Variants in FAM20B observed in about 807,000 individuals in gnomAD.
The protein encoded by FAM20B is FAM20B glycosaminoglycan xylosylkinase, also known as glycosaminoglycan xylosylkinase.
In FAM20B, 23 loss-of-function variants were observed where a neutral mutation model predicts 43.8. The observed-to-expected ratio is 0.53, with a 90% confidence interval of 0.38 to 0.74. FAM20B has a LOEUF of 0.74. Among genes scored for constraint, FAM20B ranks in the 30% least tolerant of loss-of-function variants. The pLI, the probability that FAM20B is intolerant of heterozygous loss-of-function variation, is 0.00. For synonymous variants in FAM20B, 178 were observed against 192.4 expected, an observed-to-expected ratio of 0.93 and a Z score of 0.62; for missense variants, 440 against 510.5, an observed-to-expected ratio of 0.86 and a Z score of 1.33.
chr1:179,047,395 C>T (rs1650816572), intron 2 of FAM20B, among the ~76,000 whole-genome samples: 1 of 152,188 alleles, frequency 6.6e-6, no homozygotes, highest in African/African-American at 2.4e-5. Flanking sequence ...GCCCACCAGA[C>T]AAAACCCAGC....
intron 1 of FAM20B, among the ~76,000 whole-genome samples, chr1:179,027,898 A>G (rs1021718364): frequency 1.3e-5 from 2 of 152,140 alleles, no homozygotes; most frequent in African/African-American, 4.8e-5. Context: ...CTTTATTTTT[A>G]TAATCTTTTA....
chr1:179,038,725 A>T (rs74335593), intron 1 of FAM20B, among the ~76,000 whole-genome samples: 1,811 of 152,348 alleles, frequency 0.012, 40 homozygotes, highest in African/African-American at 0.042. Flanking sequence ...CAGTAATCAC[A>T]GGGAACTGTT....
chr1:179,028,631 T>A (rs1649888709), intron 1 of FAM20B, among the ~76,000 whole-genome samples: 2 of 152,192 alleles, frequency 1.3e-5, no homozygotes, highest in Non-Finnish European at 2.9e-5. Context: ...GTCTTCTGAA[T>A]CTGACTCTTA....
chr1:179,065,147 C>G (rs1557878952), intron 6 of FAM20B, among the ~76,000 whole-genome samples: 1 of 146,866 alleles, frequency 6.8e-6, no homozygotes, highest in African/African-American at 2.5e-5. Flanking sequence ...TAGTGCCACA[C>G]TTTTTTTTTT....
upstream of FAM20B, among the ~76,000 whole-genome samples, chr1:179,023,986 G>C (rs1226622135): frequency 1.3e-5 from 2 of 152,174 alleles, no homozygotes; most frequent in Non-Finnish European, 2.9e-5. Flanking sequence ...TGGAGTGTCA[G>C]GCACGGTGCT....
intron 3 of FAM20B, among the ~76,000 whole-genome samples, chr1:179,050,895 G>A (rs1220583144): frequency 6.6e-6 from 1 of 152,182 alleles, no homozygotes; most frequent in Non-Finnish European, 1.5e-5. Context: ...GCCAAGGTGG[G>A]CAGATTGCAT....
rs1180557793 is a variant in FAM20B, at chr1:179,043,842, GT to G, written c.-5del. 1 of 1,582,412 alleles carries G rather than the reference GT, an allele frequency of 6.3e-7. No homozygotes were observed. Among genetic ancestry groups the G allele is most frequent in the Non-Finnish European group, 8.6e-7 (1 of 1,159,682 alleles). ...GTGGGTCAGGGGAGAAGGAAAAGAGGTCAACATGAAGCTAAAGCAGCGAGTC... is the reference window on the plus strand; with the variant it reads ...GTGGGTCAGGGGAGAAGGAAAAGAGGCAACATGAAGCTAAAGCAGCGAGTC... On this transcript the variant is annotated 5_prime_UTR_variant, in exon 2 of 8. Coordinates refer to ENST00000263733, the MANE Select transcript of FAM20B (RefSeq NM_014864.4).
intron 1 of FAM20B, among the ~76,000 whole-genome samples, chr1:179,033,609 A>G (rs1218917790): frequency 6.6e-6 from 1 of 152,222 alleles, no homozygotes; most frequent in Non-Finnish European, 1.5e-5. Flanking sequence ...TAGGAGCAGA[A>G]CAGATGTGAG....
chr1:179,042,133 G>A (rs1429598186), intron 1 of FAM20B, among the ~76,000 whole-genome samples: 1 of 152,204 alleles, frequency 6.6e-6, no homozygotes, highest in Non-Finnish European at 1.5e-5. Context: ...AGTAGTGCTT[G>A]TGCCCACTGG....
At chr1:179,040,956 G>T (rs1650484170) in intron 1 of FAM20B, among the ~76,000 whole-genome samples, 1 of 148,812 alleles carries the variant, frequency 6.7e-6, no homozygotes, top group African/African-American at 2.5e-5. Flanking sequence ...CCGGGCAGAG[G>T]CGCTCCTCAC....
chr1:179,017,438 CT>C, the FAM20B span, among the ~76,000 whole-genome samples: 4 of 152,082 alleles, frequency 2.6e-5, no homozygotes, highest in Non-Finnish European at 5.9e-5. Flanking sequence ...TTACTTTTGA[CT>C]TTTTTTTCAT....
At chr1:179,038,601 C>T (rs2102490388) in intron 1 of FAM20B, among the ~76,000 whole-genome samples, 1 of 152,266 alleles carries the variant, frequency 6.6e-6, no homozygotes, top group Non-Finnish European at 1.5e-5. Flanking sequence ...TGCCTTTTAT[C>T]TCTGCAGCCT....
chr1:179,034,323 T>C (rs1415355309), intron 1 of FAM20B, among the ~76,000 whole-genome samples: 1 of 152,160 alleles, frequency 6.6e-6, no homozygotes, highest in Non-Finnish European at 1.5e-5. Context: ...AACATTCTAT[T>C]GTCAAAACAA....
upstream of FAM20B, among the ~76,000 whole-genome samples, chr1:179,022,479 C>T (rs1259941378): frequency 6.6e-6 from 1 of 152,150 alleles, no homozygotes; most frequent in South Asian, 2.1e-4. Context: ...CGCGTGTATG[C>T]ATATATATTT....
At chr1:179,020,869 G>C (rs1558209243), upstream of FAM20B, among the ~76,000 whole-genome samples, 1 of 152,182 alleles carries the variant, frequency 6.6e-6, no homozygotes, top group Non-Finnish European at 1.5e-5. Context: ...TCAGGAGTTT[G>C]AGGACAGCCT....
upstream of FAM20B, among the ~76,000 whole-genome samples, chr1:179,023,761 C>T (rs1649647141): frequency 6.6e-6 from 1 of 152,188 alleles, no homozygotes; most frequent in South Asian, 2.1e-4. Context: ...TCAATACCAG[C>T]CCACACTGTT....
At chr1:179,058,224 TA>T (rs1443186248) in intron 4 of FAM20B, among the ~76,000 whole-genome samples, 1 of 152,242 alleles carries the variant, frequency 6.6e-6, no homozygotes, top group Non-Finnish European at 1.5e-5. Context: ...ACTATGATTA[TA>T]AATAGTATTT....
chr1:179,041,277 C>G (rs943711245), intron 1 of FAM20B, among the ~76,000 whole-genome samples: 1 of 152,222 alleles, frequency 6.6e-6, no homozygotes, highest in African/African-American at 2.4e-5. Flanking sequence ...AGGCTGCAAT[C>G]TCGGCCTTTT....
chr1:179,050,487 A>G (rs1650959887), intron 3 of FAM20B, 122 bp downstream of exon 3: 3 of 673,478 alleles, frequency 4.5e-6, no homozygotes, highest in East Asian at 2.8e-5. Context: ...TCGATTTTAG[A>G]TAGCTAATTG....
Sources: gnomAD v4.1 joint callset for allele counts (sites outside exome capture counted in the v4.1 genomes callset) on GRCh38, gnomAD v4.1.1 for gene constraint, MANE v1.5 for transcripts, NCBI Gene and HGNC (gene_info 2026-07-23, HGNC 2026-07-21) for gene names.